Variants in EXOC6B observed in about 807,000 individuals in gnomAD.
The protein encoded by EXOC6B is SEC15 homolog B.
In EXOC6B, 54 loss-of-function variants were observed where a neutral mutation model predicts 113.5. The observed-to-expected ratio is 0.48, with a 90% CI of 0.38 to 0.60. EXOC6B has a LOEUF of 0.60. EXOC6B is among the 20% of genes least tolerant of loss of function. The pLI is 0.00. For synonymous variants in EXOC6B, 357 were observed against 339.0 expected, an observed-to-expected ratio of 1.05 and a Z score of -0.58; for missense variants, 797 against 977.5, an observed-to-expected ratio of 0.82 and a Z score of 2.46.
At chr2:72,539,764 G>GTC (rs1702492772) in intron 8 of EXOC6B, among the ~76,000 whole-genome samples, 2 of 151,634 alleles carry the variant, frequency 1.3e-5, no homozygotes, top group Non-Finnish European at 2.9e-5. Context: ...GCGCGCGCGC[G>GTC]TGTGTGTAGT....
chr2:72,334,022 C>T lies in EXOC6B; in HGVS notation c.2196+925G>A, dbSNP rs567860479. ...CTATGTCAGCTCTGAAAACAAGAGG[C>T]ACTGCATCATTATGGCAGGAGAAAC... On this transcript the variant is annotated intron_variant, in intron 20 of 21. Coordinates refer to ENST00000272427, the MANE Select transcript of EXOC6B (RefSeq NM_015189.3). 1.1e-4 allele frequency among the ~76,000 whole-genome samples: 16 copies of T among 151,482 alleles called. 1 individual carries two copies. In the South Asian group the frequency reaches 2.5e-3, roughly 24 times the overall value.
rs1207962137 is a variant in EXOC6B, at chr2:72,178,987, C to A, written c.*348G>T. 4.8e-6 allele frequency: 1 copy of A among 210,494 alleles called. No individual in the cohort carries two copies. Among genetic ancestry groups the A allele is most frequent in the African/African-American group, 2.3e-5 (1 of 43,232 alleles). 13.0% of individuals were successfully genotyped at this position (210,494 alleles called of 1,614,324 possible). On this transcript the variant is annotated 3_prime_UTR_variant, in exon 22 of 22. Transcript: ENST00000272427. ...TGCTTACTCACTCTACCTCCCAGCG[C>A]CAGATACCCACTTTTTATGGTTCCT...
chr2:72,215,077 TACTCGTGGGG>T (rs1680438469), intron 20 of EXOC6B, among the ~76,000 whole-genome samples: 1 of 152,206 alleles, frequency 6.6e-6, no homozygotes, highest in South Asian at 2.1e-4. Flanking sequence ...GAGCAAGAGC[TACTCGTGGGG>T]ACATCACATC....
chr2:72,635,468 G>A (rs1672749390), intron 6 of EXOC6B, among the ~76,000 whole-genome samples: 1 of 152,094 alleles, frequency 6.6e-6, no homozygotes, highest in Non-Finnish European at 1.5e-5. Flanking sequence ...AGATGAAATA[G>A]ACCAATTCCT....
chr2:72,548,379 G>C (rs146035464), intron 8 of EXOC6B, among the ~76,000 whole-genome samples: 103 of 152,266 alleles, frequency 6.8e-4, no homozygotes, highest in Middle Eastern at 3.4e-3. Context: ...CCATAAAAGG[G>C]GGGTGAGTGG....
chr2:72,616,887 A>C (rs1397747325), intron 6 of EXOC6B, among the ~76,000 whole-genome samples: 1 of 152,174 alleles, frequency 6.6e-6, no homozygotes, highest in Non-Finnish European at 1.5e-5. Context: ...TCAAAAGTCC[A>C]CTGGCCAAAA....
intron 5 of EXOC6B, among the ~76,000 whole-genome samples, chr2:72,729,130 CACAAA>C (rs941373185): frequency 7.8e-4 from 118 of 151,948 alleles, no homozygotes; most frequent in African/African-American, 2.4e-3. Flanking sequence ...CTTTTTTAGA[CACAAA>C]ACAAAACAAT....
intron 6 of EXOC6B, among the ~76,000 whole-genome samples, chr2:72,612,436 C>T (rs928401130): frequency 6.6e-6 from 1 of 152,060 alleles, no homozygotes; most frequent in Admixed American, 6.5e-5. Flanking sequence ...TATCAATTCC[C>T]TCCTTCTCCC....
At chr2:72,499,761 T>C (rs951582577) in intron 12 of EXOC6B, 140 bp downstream of exon 12, 4 of 609,122 alleles carry the variant, frequency 6.6e-6, no homozygotes, top group Non-Finnish European at 3.0e-6. Flanking sequence ...CTTGGACTCT[T>C]GGACTCAAGC....
intron 20 of EXOC6B, among the ~76,000 whole-genome samples, chr2:72,191,518 T>G (rs1329040764): frequency 6.6e-6 from 1 of 152,218 alleles, no homozygotes; most frequent in East Asian, 1.9e-4. Flanking sequence ...TTGTTTTGTT[T>G]TGTTTTGATT....
At position 72,551,325 on chromosome 2, in the gene EXOC6B, G is replaced by A. The variant is rs544208713; in HGVS notation, c.915+8128C>T. ...CGATTCTCCTGCCTCAGCCTCCCAA[G>A]TAGTTGGGATTACAGGTGTGTGCCA... On this transcript the variant is annotated intron_variant, in intron 8 of 21. Coordinates refer to ENST00000272427, the MANE Select transcript of EXOC6B (RefSeq NM_015189.3). Among the ~76,000 whole-genome samples the A allele has an allele frequency of 1.4e-3, 210 of 151,298 alleles. No individual in the cohort carries two copies. The South Asian group carries it at 0.015, about 11-fold the overall frequency.
intron 6 of EXOC6B, among the ~76,000 whole-genome samples, chr2:72,641,775 C>T (rs201460458): frequency 6.6e-6 from 1 of 152,232 alleles, no homozygotes. Context: ...GGGTCCCTGA[C>T]CCCTGTGTAG....
intron 20 of EXOC6B, 145 bp downstream of exon 20, chr2:72,334,802 T>C: frequency 4.2e-6 from 2 of 472,002 alleles, no homozygotes; most frequent in Non-Finnish European, 3.6e-6. Context: ...ATAAAAGAGG[T>C]GGCCTCAAAT....
chr2:72,785,789 G>C (rs1452172062), intron 1 of EXOC6B, among the ~76,000 whole-genome samples: 1 of 152,254 alleles, frequency 6.6e-6, no homozygotes, highest in East Asian at 1.9e-4. Flanking sequence ...CCATAGTCTA[G>C]GGGATTAACA....
intron 10 of EXOC6B, 29 bp downstream of exon 10, chr2:72,514,603 TAA>T (rs1491486353): frequency 0.13 from 28,417 of 218,254 alleles, 930 homozygotes; most frequent in Admixed American, 0.19. Context: ...AATAAATAAA[TAA>T]ATATATATAT....
At chr2:72,646,663 C>T (rs1218610287) in intron 6 of EXOC6B, among the ~76,000 whole-genome samples, 1 of 152,046 alleles carries the variant, frequency 6.6e-6, no homozygotes, top group East Asian at 1.9e-4. Flanking sequence ...AATCAATAAA[C>T]GTAATCCATC....
chr2:72,359,668 G>T (rs1690182857), intron 19 of EXOC6B, among the ~76,000 whole-genome samples: 1 of 152,144 alleles, frequency 6.6e-6, no homozygotes, highest in Admixed American at 6.5e-5. Context: ...TTAGTTAGCA[G>T]GTAATGATAG....
At chr2:72,641,467 A>G (rs994304640) in intron 6 of EXOC6B, among the ~76,000 whole-genome samples, 1 of 152,270 alleles carries the variant, frequency 6.6e-6, no homozygotes, top group African/African-American at 2.4e-5. Flanking sequence ...CTGCTAGTGC[A>G]GCAGTCTGAG....
intron 19 of EXOC6B, among the ~76,000 whole-genome samples, chr2:72,335,445 C>T (rs1046647774): frequency 2.6e-5 from 4 of 151,964 alleles, no homozygotes; most frequent in Admixed American, 2.0e-4. Flanking sequence ...TCTAATTTCA[C>T]GCTTGTCACC....
Sources: gnomAD v4.1 joint callset for allele counts (sites outside exome capture counted in the v4.1 genomes callset) on GRCh38, gnomAD v4.1.1 for gene constraint, MANE v1.5 for transcripts, NCBI Gene and HGNC (gene_info 2026-07-23, HGNC 2026-07-21) for gene names.